The following PDZRN4 variants were observed in gnomAD, a reference collection of about 807,000 sequenced individuals.
PDZRN4 encodes the protein PDZ domain containing ring finger 4, also known as PDZ domain-containing RING finger protein 4.
A neutral mutation model predicts 99.0 loss-of-function variants in PDZRN4; 70 were observed. The observed-to-expected ratio is 0.71, with a 90% confidence interval of 0.58 to 0.86. The LOEUF (loss-of-function observed/expected upper bound fraction) is 0.86, where lower values mean the gene tolerates loss of function less well. PDZRN4 is among the 40% of genes least tolerant of loss of function. The probability of loss-of-function intolerance (pLI) is 0.00; values close to 1 mark genes in which losing one functional copy is unlikely to be tolerated. For synonymous variants in PDZRN4, 551 were observed against 501.6 expected (o/e 1.10, Z -1.32); for missense variants, 1,474 against 1,331.2 (o/e 1.11, Z -1.67).
At chr12:41,258,518 G>C (rs887504280) in intron 3 of PDZRN4, among the ~76,000 whole-genome samples, 1 of 152,066 alleles carries the variant, frequency 6.6e-6, no homozygotes, top group Admixed American at 6.6e-5. Flanking sequence ...TAAAAGAAAA[G>C]GGGGTAAAAA....
chr12:41,255,819 A>AAG (rs1951201657), intron 3 of PDZRN4, among the ~76,000 whole-genome samples: 1 of 152,122 alleles, frequency 6.6e-6, no homozygotes, highest in Admixed American at 6.5e-5. Flanking sequence ...AGAGGGAGCA[A>AAG]AGAGAGAGAG....
At chr12:41,524,942 C>G (rs1938546786) in intron 5 of PDZRN4, among the ~76,000 whole-genome samples, 1 of 151,906 alleles carries the variant, frequency 6.6e-6, no homozygotes, top group African/African-American at 2.4e-5. Flanking sequence ...GACATTATTG[C>G]TGATTGACTA....
chr12:41,401,085 T>C (rs991531436), intron 3 of PDZRN4, among the ~76,000 whole-genome samples: 6 of 152,300 alleles, frequency 3.9e-5, no homozygotes, highest in African/African-American at 1.4e-4. Flanking sequence ...GTACCTGGTA[T>C]ATAGCAAAAA....
At chr12:41,300,316 A>G (rs1294140579) in intron 3 of PDZRN4, among the ~76,000 whole-genome samples, 2 of 151,930 alleles carry the variant, frequency 1.3e-5, no homozygotes, top group Non-Finnish European at 2.9e-5. Context: ...GTGATATGCC[A>G]AAGTCCCAAC....
chr12:41,391,772 C>T (rs1325264482), intron 3 of PDZRN4, among the ~76,000 whole-genome samples: 2 of 152,096 alleles, frequency 1.3e-5, no homozygotes, highest in Non-Finnish European at 2.9e-5. Flanking sequence ...TCTTTACTAA[C>T]TGAATAGCCT....
intron 3 of PDZRN4, among the ~76,000 whole-genome samples, chr12:41,219,065 G>T (rs1367098092): frequency 1.3e-5 from 2 of 150,858 alleles, no homozygotes; most frequent in Non-Finnish European, 2.9e-5. Context: ...AGAGACTTAA[G>T]AGTAAAAATA....
intron 3 of PDZRN4, among the ~76,000 whole-genome samples, chr12:41,385,553 A>G (rs144105461): frequency 6.6e-6 from 1 of 152,330 alleles, no homozygotes; most frequent in East Asian, 1.9e-4. Flanking sequence ...CTCTATGCAT[A>G]TAAACTAGAA....
intron 3 of PDZRN4, among the ~76,000 whole-genome samples, chr12:41,299,828 C>A (rs1440716856): frequency 6.6e-6 from 1 of 151,914 alleles, no homozygotes; most frequent in African/African-American, 2.4e-5. Flanking sequence ...TAAGATATTA[C>A]ACAAGTTATT....
At chr12:41,403,800 T>A (rs1462988760) in intron 3 of PDZRN4, among the ~76,000 whole-genome samples, 4 of 152,168 alleles carry the variant, frequency 2.6e-5, no homozygotes, top group Admixed American at 6.5e-5. Flanking sequence ...TGTTAATTAC[T>A]TTTTAGTACC....
chr12:41,477,872 A>C, intron 3 of PDZRN4: 1 of 1,546,878 alleles, frequency 6.5e-7, no homozygotes, highest in South Asian at 1.2e-5. Flanking sequence ...CAGGTAAGAG[A>C]CAATTTTTCC....
chr12:41,365,442 A>C (rs1951992561), intron 3 of PDZRN4, among the ~76,000 whole-genome samples: 1 of 151,936 alleles, frequency 6.6e-6, no homozygotes. Flanking sequence ...AAGACTCCCA[A>C]CCTCTCAGGC....
Position 41,573,097 on chromosome 12 carries a change from G to A in PDZRN4, c.2318G>A (p.Arg773Lys), listed in dbSNP as rs2120864966. The A allele has an allele frequency of 5.6e-6, 9 of 1,614,114 alleles. No homozygotes were observed. The South Asian group carries it at 9.9e-5, about 18-fold the overall frequency. Residue 773 changes from arginine (R) to lysine (K), a missense_variant, in exon 10 of 10, where the codon AGA (arginine) becomes AAA (lysine). Arg to Lys is a conservative substitution (Grantham distance 26). Transcript: ENST00000402685. ...VINLTNKKNL[R>K]STMAATQSSS... ...AACCTCACCAATAAGAAAAACCTGA[G>A]AAGCACAATGGCAGCCACCCAGTCC...
chr12:41,425,706 C>T (rs1012432848), intron 3 of PDZRN4, among the ~76,000 whole-genome samples: 3 of 152,122 alleles, frequency 2.0e-5, no homozygotes, highest in Admixed American at 2.0e-4. Flanking sequence ...AACTAGAAAG[C>T]ATTTCATCAG....
At chr12:41,326,998 A>T (rs955212754) in intron 3 of PDZRN4, among the ~76,000 whole-genome samples, 1 of 152,094 alleles carries the variant, frequency 6.6e-6, no homozygotes, top group Non-Finnish European at 1.5e-5. Context: ...CATTTTTTTC[A>T]ATCAGTTTCT....
chr12:41,236,246 A>G (rs1170161391), intron 3 of PDZRN4, among the ~76,000 whole-genome samples: 1 of 152,184 alleles, frequency 6.6e-6, no homozygotes, highest in Non-Finnish European at 1.5e-5. Flanking sequence ...AAAGGCAGGA[A>G]AGATTGATTC....
chr12:41,493,759 T>A (rs1373799704), intron 3 of PDZRN4, among the ~76,000 whole-genome samples: 1 of 151,986 alleles, frequency 6.6e-6, no homozygotes, highest in African/African-American at 2.4e-5. Flanking sequence ...TGGAACTTTG[T>A]CCTATCTTAT....
intron 6 of PDZRN4, among the ~76,000 whole-genome samples, chr12:41,555,052 C>CAAAAAAAAAAAA: frequency 8.8e-6 from 1 of 113,542 alleles, no homozygotes; most frequent in Non-Finnish European, 1.8e-5. Flanking sequence ...ACTAAAAATA[C>CAAAAAAAAAAAA]AAAAAAAAAA....
At chr12:41,544,441 G>C (rs548625807) in intron 5 of PDZRN4, among the ~76,000 whole-genome samples, 1 of 152,092 alleles carries the variant, frequency 6.6e-6, no homozygotes, top group Non-Finnish European at 1.5e-5. Context: ...TTCAACAAAC[G>C]CATGTGGGGC....
chr12:41,521,022 T>C (rs1938484917), intron 5 of PDZRN4, among the ~76,000 whole-genome samples: 1 of 152,138 alleles, frequency 6.6e-6, no homozygotes, highest in African/African-American at 2.4e-5. Context: ...TGATGCAAGC[T>C]ATTATAGAAG....
Sources: gnomAD v4.1 joint callset for allele counts (sites outside exome capture counted in the v4.1 genomes callset) on GRCh38, gnomAD v4.1.1 for gene constraint, MANE v1.5 for transcripts, NCBI Gene and HGNC (gene_info 2026-07-23, HGNC 2026-07-21) for gene names.